The following CNTN6 variants were observed in gnomAD, a reference collection of about 807,000 sequenced individuals.
CNTN6 encodes the protein contactin 6.
CNTN6 carries 137 observed loss-of-function variants against 122.8 expected under a neutral mutation model. The ratio of observed to expected loss-of-function variants is 1.12; its 90% CI spans 0.97 to 1.29. The LOEUF (loss-of-function observed/expected upper bound fraction) is 1.29, where lower values mean the gene tolerates loss of function less well. Ranked by LOEUF, CNTN6 falls within the 50% of genes most tolerant of loss-of-function variation. CNTN6 has a pLI of 0.00. For synonymous variants in CNTN6, 570 were observed against 426.0 expected (o/e 1.34, Z -4.16); for missense variants, 1,634 against 1,223.4 (o/e 1.34, Z -5.01).
intron 1 of CNTN6, among the ~76,000 whole-genome samples, chr3:1,128,911 T>C (rs2092257116): frequency 6.6e-6 from 1 of 152,052 alleles, no homozygotes; most frequent in Non-Finnish European, 1.5e-5. Flanking sequence ...CCATTTTGGA[T>C]AGGTAACTTT....
rs572273442 is a variant in CNTN6 at position 1,196,161 on chromosome 3, TA to T, written c.56-24524del. On this transcript the variant is annotated intron_variant, in intron 2 of 22. Coordinates refer to ENST00000446702, the MANE Select transcript of CNTN6 (RefSeq NM_001289080.2). ...ATTTGTTTTGGAGATGGGCATTGCTTAACAGCATTTGGCATTTGCTCAGGCT... is the reference window on the plus strand; with the variant it reads ...ATTTGTTTTGGAGATGGGCATTGCTTACAGCATTTGGCATTTGCTCAGGCT... Among the ~76,000 whole-genome samples, 56 of 152,350 alleles carry T rather than the reference TA, an allele frequency of 3.7e-4. 2 individuals are homozygous for T. The South Asian group carries it at 9.7e-3, about 26-fold the overall frequency.
chr3:1,300,557 AAAAGAAAGAAAG>A (rs202226482), intron 7 of CNTN6, among the ~76,000 whole-genome samples: 9,149 of 107,120 alleles, frequency 0.085, 306 homozygotes, highest in African/African-American at 0.099. Context: ...AAGAGAAAGA[AAAAGAAAGAAAG>A]AAAGAAAGAA....
intron 1 of CNTN6, among the ~76,000 whole-genome samples, chr3:1,102,706 C>T (rs990640489): frequency 1.3e-4 from 20 of 149,498 alleles, no homozygotes; most frequent in East Asian, 5.9e-4. Flanking sequence ...CCAGCCTGGG[C>T]GACAGGGCGA....
chr3:1,102,236 C>A (rs1457774404), intron 1 of CNTN6, among the ~76,000 whole-genome samples: 7 of 152,140 alleles, frequency 4.6e-5, no homozygotes, highest in Admixed American at 4.6e-4. Flanking sequence ...GTGTAAGGAG[C>A]TCTATATGGA....
intron 7 of CNTN6, among the ~76,000 whole-genome samples, chr3:1,315,671 G>A (rs155229): frequency 0.59 from 89,522 of 151,636 alleles, 29,262 homozygotes; most frequent in African/African-American, 0.88. Context: ...AGCACTGTCT[G>A]ATTGCTTTCT....
intron 2 of CNTN6, among the ~76,000 whole-genome samples, chr3:1,212,252 G>GT (rs74499004): frequency 0.14 from 16,057 of 118,268 alleles, 1,299 homozygotes; most frequent in African/African-American, 0.17. Flanking sequence ...AATAAAACTT[G>GT]TTTTTTTTTT....
intron 7 of CNTN6, among the ~76,000 whole-genome samples, chr3:1,307,471 A>AC (rs200885388): frequency 5.4e-5 from 8 of 148,700 alleles, no homozygotes; most frequent in Admixed American, 3.3e-4. Flanking sequence ...GTCCAATATA[A>AC]CCCCCCCACA....
chr3:1,382,760 CTT>C (rs1692104828), intron 17 of CNTN6, among the ~76,000 whole-genome samples, 180 bp from the exon 18 acceptor site: 1 of 152,056 alleles, frequency 6.6e-6, no homozygotes, highest in African/African-American at 2.4e-5. Flanking sequence ...ATCTGAGTAT[CTT>C]TAACTGGGAT....
chr3:1,267,002 G>A (rs1303292612), intron 4 of CNTN6, among the ~76,000 whole-genome samples: 9 of 130,438 alleles, frequency 6.9e-5, no homozygotes, highest in African/African-American at 9.0e-5. Context: ...TGTAACCTGC[G>A]ACCCCCAGGT....
intron 3 of CNTN6, among the ~76,000 whole-genome samples, chr3:1,224,455 G>T: frequency 6.6e-6 from 1 of 152,132 alleles, no homozygotes; most frequent in East Asian, 1.9e-4. Flanking sequence ...ATAGATTTTT[G>T]AGGTAATGAA....
At chr3:1,268,594 G>A (rs113195050) in intron 4 of CNTN6, among the ~76,000 whole-genome samples, 33,248 of 128,876 alleles carry the variant, frequency 0.26, 4,854 homozygotes, top group East Asian at 0.48. Context: ...GCGACAGAGC[G>A]AGACTCCGTC....
intron 4 of CNTN6, among the ~76,000 whole-genome samples, chr3:1,253,910 A>G (rs1210848841): frequency 6.6e-6 from 1 of 152,170 alleles, no homozygotes; most frequent in East Asian, 1.9e-4. Context: ...AAACAACCAT[A>G]AGTCTATTAT....
intron 1 of CNTN6, among the ~76,000 whole-genome samples, chr3:1,101,358 A>G (rs2090887058): frequency 6.6e-6 from 1 of 152,116 alleles, no homozygotes; most frequent in African/African-American, 2.4e-5. Flanking sequence ...CCTCTTTAAC[A>G]TTTAACCTCG....
intron 5 of CNTN6, among the ~76,000 whole-genome samples, chr3:1,292,201 C>G (rs953087176): frequency 7.2e-5 from 11 of 152,132 alleles, no homozygotes; most frequent in African/African-American, 2.4e-4. Context: ...AGCCACGAGT[C>G]CTACTTTTGC....
intron 4 of CNTN6, among the ~76,000 whole-genome samples, chr3:1,242,336 C>G (rs953747896): frequency 6.6e-6 from 1 of 151,816 alleles, no homozygotes; most frequent in Non-Finnish European, 1.5e-5. Flanking sequence ...GGATTGAGGA[C>G]AAAAGAGTGT....
At chr3:1,344,992 T>G (rs1704452849) in intron 11 of CNTN6, among the ~76,000 whole-genome samples, 1 of 152,304 alleles carries the variant, frequency 6.6e-6, no homozygotes, top group African/African-American at 2.4e-5. Context: ...TTTTTCATTT[T>G]TACTACATTG....
chr3:1,102,516 G>C (rs1027980478), intron 1 of CNTN6, among the ~76,000 whole-genome samples: 23 of 148,078 alleles, frequency 1.6e-4, no homozygotes, highest in South Asian at 4.3e-4. Context: ...GGATCACCAG[G>C]TCAGGAGATC....
At chr3:1,395,590 A>G (rs1401422566) in intron 20 of CNTN6, among the ~76,000 whole-genome samples, 1 of 152,080 alleles carries the variant, frequency 6.6e-6, no homozygotes, top group Non-Finnish European at 1.5e-5. Context: ...TTTCCCTTGT[A>G]CGGACCCTCC....
intron 20 of CNTN6, among the ~76,000 whole-genome samples, chr3:1,392,136 C>T (rs1694246833): frequency 6.6e-6 from 1 of 152,254 alleles, no homozygotes; most frequent in African/African-American, 2.4e-5. Context: ...GGAGGCATCA[C>T]ACTACCTGAC....
Sources: gnomAD v4.1 joint callset for allele counts (sites outside exome capture counted in the v4.1 genomes callset) on GRCh38, gnomAD v4.1.1 for gene constraint, MANE v1.5 for transcripts, NCBI Gene and HGNC (gene_info 2026-07-23, HGNC 2026-07-21) for gene names.